B3GAT2: variants seen among roughly 807,000 people sequenced by gnomAD.
The protein encoded by B3GAT2 is beta-1,3-glucuronyltransferase 2.
A neutral mutation model predicts 27.8 loss-of-function variants in B3GAT2; 26 were observed. That is an observed-to-expected ratio of 0.93 (90% CI 0.68 to 1.30). B3GAT2 has a LOEUF of 1.30. Among genes scored for constraint, B3GAT2 ranks in the 50% most tolerant of loss-of-function variants. B3GAT2 has a pLI of 0.00. For synonymous variants in B3GAT2, 218 were observed against 195.1 expected (o/e 1.12, Z -0.98); for missense variants, 458 against 459.0 (o/e 1.00, Z 0.02).
chr6:70,882,221 G>A (rs561523915), intron 2 of B3GAT2, among the ~76,000 whole-genome samples: 52 of 152,274 alleles, frequency 3.4e-4, no homozygotes, highest in African/African-American at 1.1e-3. Context: ...AAATAGGTAC[G>A]CTGGGTGTGG....
intron 1 of B3GAT2, among the ~76,000 whole-genome samples, chr6:70,948,229 A>C (rs190436061): frequency 2.0e-5 from 3 of 147,172 alleles, no homozygotes; most frequent in African/African-American, 7.6e-5. Flanking sequence ...AGTTCTGGCC[A>C]GGGTAATTAG....
intron 1 of B3GAT2, among the ~76,000 whole-genome samples, chr6:70,905,889 G>GTGTGTGTGTGTGTA (rs1300462651): frequency 2.7e-4 from 40 of 149,320 alleles, no homozygotes; most frequent in African/African-American, 9.5e-4. Context: ...CTGGCACTGT[G>GTGTGTGTGTGTGTA]TGTGTGTGTG....
At chr6:70,882,135 C>G (rs112217941) in intron 2 of B3GAT2, among the ~76,000 whole-genome samples, 1 of 152,140 alleles carries the variant, frequency 6.6e-6, no homozygotes, top group African/African-American at 2.4e-5. Flanking sequence ...TGGAAGACAA[C>G]GAGGAAAGCT....
In B3GAT2 at chr6:70,894,081, A is replaced by G. The variant is rs201047749; in HGVS notation, c.736+47T>C. The G allele has an allele frequency of 5.6e-4, 850 of 1,516,556 alleles. 16 individuals are homozygous for G. The South Asian group carries it at 0.011, about 20-fold the overall frequency. The allele number at this position is 1,516,556 out of a possible 1,614,324, so 93.9% of individuals were successfully genotyped here. ...CTAGTGCATCGTTATAAACAAGAGC[A>G]TAAGAACAGTCCAGCAGGAACAAAT... On this transcript the variant is annotated intron_variant, in intron 2 of 3. Transcript: ENST00000230053.
Position 70,956,157 on chromosome 6 carries a change from G to A in B3GAT2, c.273C>T (p.Arg91=), listed in dbSNP as rs1765653060. 3.1e-6 allele frequency: 5 copies of A among 1,607,906 alleles called. No individual in the cohort carries two copies. Among genetic ancestry groups the A allele is most frequent in the East Asian group, 2.2e-5 (1 of 44,746 alleles). ...TIYAITPTYS[R]PVQKAELTRL... is the part of the protein sequence containing the mutation. The stretch of plus-strand genomic sequence containing the variant: ...GGGTCAGCTCCGCTTTCTGCACCGG[G>A]CGGCTGTAGGTGGGCGTGATGGCAT... The change falls in exon 1 of 4, where the codon CGC becomes CGT. Residue 91 remains arginine (R), a synonymous_variant. Coordinates refer to ENST00000230053, the MANE Select transcript of B3GAT2 (RefSeq NM_080742.3).
At chr6:70,894,813 C>A (rs187723948) in intron 1 of B3GAT2, among the ~76,000 whole-genome samples, 1 of 152,184 alleles carries the variant, frequency 6.6e-6, no homozygotes, top group African/African-American at 2.4e-5. Flanking sequence ...AAAAGAAACA[C>A]ATACCCTAAA....
rs1291793852 is a variant in B3GAT2, at chr6:70,859,835, T to C, written c.*1828A>G. 2.4e-4 allele frequency: 45 copies of C among 184,436 alleles called. No individual in the cohort carries two copies. The allele number at this position is 184,436 out of a possible 1,614,324, so 11.4% of individuals were successfully genotyped here. A position where few individuals can be genotyped will look rare whatever the true frequency, so the allele number is the denominator to read the frequency against. On this transcript the variant is annotated 3_prime_UTR_variant, in exon 4 of 4. Transcript: ENST00000230053. ...AGAATAATATCTATCATACAAAGTT[T>C]ATAGGATAATTTTAGACTATTTTAC...
At position 70,857,720 on chromosome 6, in the gene B3GAT2, T is replaced by C; in HGVS notation, c.*3943A>G. On this transcript the variant is annotated 3_prime_UTR_variant, in exon 4 of 4. Transcript: ENST00000230053. The stretch of plus-strand genomic sequence containing the variant: ...CATTTCTTAATTAAATTTACTCAGG[T>C]TAATAACTGATTTGTCTGCATCCTA... The C allele has an allele frequency of 1.7e-6, 1 of 585,618 alleles. No homozygotes were observed. The highest frequency in any genetic ancestry group is 2.8e-5 in the East Asian group (1 of 35,144). 36.3% of individuals were successfully genotyped at this position (585,618 alleles called of 1,614,324 possible).
chr6:70,859,546 G>GTAAGT lies in B3GAT2; in HGVS notation c.*2112_*2116dup, dbSNP rs3842101. On this transcript the variant is annotated 3_prime_UTR_variant, in exon 4 of 4. Transcript: ENST00000230053. ...TTAAGAACACAGTCTAACTCTGAGT[G>GTAAGT]TAAGTTTTAAACCCACTCACTATAT... 3.4e-6 allele frequency: 2 copies of GTAAGT among 593,716 alleles called. No individual in the cohort carries two copies. The highest frequency in any genetic ancestry group is 2.8e-6 in the Non-Finnish European group (1 of 359,202). 36.8% of individuals were successfully genotyped at this position (593,716 alleles called of 1,614,324 possible).
chr6:70,901,594 A>G (rs1014695817), intron 1 of B3GAT2, among the ~76,000 whole-genome samples: 2 of 152,230 alleles, frequency 1.3e-5, no homozygotes, highest in African/African-American at 4.8e-5. Context: ...ATTTGACATG[A>G]TGTTATGAAA....
intron 1 of B3GAT2, among the ~76,000 whole-genome samples, chr6:70,898,755 TAAAC>T (rs1772436729): frequency 6.6e-6 from 1 of 152,188 alleles, no homozygotes; most frequent in Non-Finnish European, 1.5e-5. Flanking sequence ...CAGCAGGTAT[TAAAC>T]AACTCTTGGC....
At chr6:70,927,251 T>C (rs1351960106) in intron 1 of B3GAT2, among the ~76,000 whole-genome samples, 4 of 152,178 alleles carry the variant, frequency 2.6e-5, no homozygotes, top group African/African-American at 9.7e-5. Context: ...ATCGATGCTA[T>C]GAAGAAACTG....
chr6:70,913,561 AGAGTGTGGTTAGTG>A (rs1484573044), intron 1 of B3GAT2, among the ~76,000 whole-genome samples: 2 of 152,202 alleles, frequency 1.3e-5, no homozygotes, highest in Non-Finnish European at 2.9e-5. Flanking sequence ...CCATGGTCCA[AGAGTGTGGTTAGTG>A]TGATTCTTGT....
chr6:70,889,087 A>G (rs754090779), intron 2 of B3GAT2, among the ~76,000 whole-genome samples: 15 of 152,010 alleles, frequency 9.9e-5, no homozygotes, highest in Non-Finnish European at 2.1e-4. Flanking sequence ...CTCTATTAAC[A>G]TTTGGCGGAC....
chr6:70,942,917 T>G (rs1765417528), intron 1 of B3GAT2, among the ~76,000 whole-genome samples: 1 of 152,184 alleles, frequency 6.6e-6, no homozygotes, highest in African/African-American at 2.4e-5. Flanking sequence ...TTTAGCACAC[T>G]CAGCTTTCAC....
At position 70,860,381 on chromosome 6, in the gene B3GAT2, G is replaced by A. The variant is rs1222629603; in HGVS notation, c.*1282C>T. On this transcript the variant is annotated 3_prime_UTR_variant, in exon 4 of 4. Coordinates refer to ENST00000230053, the MANE Select transcript of B3GAT2 (RefSeq NM_080742.3). Reference sequence around the variant, plus strand: ...CCAGAACTACCACCTGACATTCCTTGCTGAAACGCATCTAGTTCCCCTGTT... The same window carrying A: ...CCAGAACTACCACCTGACATTCCTTACTGAAACGCATCTAGTTCCCCTGTT... 1.3e-6 allele frequency: 2 copies of A among 1,567,542 alleles called. No homozygotes were observed. The highest frequency in any genetic ancestry group is 2.4e-5 in the South Asian group (2 of 83,428).
intron 1 of B3GAT2, among the ~76,000 whole-genome samples, chr6:70,951,015 C>G (rs1261453331): frequency 6.6e-6 from 1 of 152,118 alleles, no homozygotes; most frequent in Non-Finnish European, 1.5e-5. Context: ...TATCTATGTA[C>G]TGGTATAACA....
chr6:70,928,435 C>A (rs1197273213), intron 1 of B3GAT2, among the ~76,000 whole-genome samples: 3 of 150,890 alleles, frequency 2.0e-5, no homozygotes, highest in African/African-American at 7.3e-5. Context: ...ATTGATAGAC[C>A]ACTAGCAGAC....
In B3GAT2 at chr6:70,945,177, C is replaced by A. The variant is rs570086630; in HGVS notation, c.591+10662G>T. Reference sequence around the variant, plus strand: ...AAAAAGCAGAGCACCTCTCCTCCCCCAAAGGAACACAGTTCCTCACCAGCA... The same window carrying A: ...AAAAAGCAGAGCACCTCTCCTCCCCAAAAGGAACACAGTTCCTCACCAGCA... On this transcript the variant is annotated intron_variant, in intron 1 of 3. Transcript: ENST00000230053. Among the ~76,000 whole-genome samples, 7 of 152,304 alleles carry A rather than the reference C, an allele frequency of 4.6e-5. No homozygotes were observed. In the South Asian group the frequency reaches 8.3e-4, roughly 18 times the overall value.
Sources: gnomAD v4.1 joint callset for allele counts (sites outside exome capture counted in the v4.1 genomes callset) on GRCh38, gnomAD v4.1.1 for gene constraint, MANE v1.5 for transcripts, NCBI Gene and HGNC (gene_info 2026-07-23, HGNC 2026-07-21) for gene names.